The following SEPTIN14 variants were observed in gnomAD, a reference collection of about 807,000 sequenced individuals.
SEPTIN14 encodes septin 14.
SEPTIN14 carries 40 observed loss-of-function variants against 53.6 expected under a neutral mutation model. That is an observed-to-expected ratio of 0.75 (90% CI 0.58 to 0.97). The LOEUF (loss-of-function observed/expected upper bound fraction) is 0.97, where lower values mean the gene tolerates loss of function less well. SEPTIN14 is among the 50% of genes least tolerant of loss of function. The probability of loss-of-function intolerance (pLI) is 0.00; values close to 1 mark genes in which losing one functional copy is unlikely to be tolerated. For synonymous variants in SEPTIN14, 138 were observed against 166.8 expected, an observed-to-expected ratio of 0.83 and a Z score of 1.33; for missense variants, 471 against 508.2, an observed-to-expected ratio of 0.93 and a Z score of 0.70.
At chr7:55,806,805 C>CA (rs1788617096) in intron 8 of SEPTIN14, among the ~76,000 whole-genome samples, 1 of 152,062 alleles carries the variant, frequency 6.6e-6, no homozygotes, top group South Asian at 2.1e-4. Flanking sequence ...CATATAAATA[C>CA]AAAAAATGGA....
chr7:55,810,124 G>A (rs1788675787), intron 7 of SEPTIN14, among the ~76,000 whole-genome samples: 1 of 151,812 alleles, frequency 6.6e-6, no homozygotes, highest in Non-Finnish European at 1.5e-5. Context: ...GAGCCACTGC[G>A]CCCGGCCTGT....
chr7:55,798,221 C>T (rs1370786749), intron 9 of SEPTIN14: 3 of 319,514 alleles, frequency 9.4e-6, no homozygotes, highest in African/African-American at 2.2e-5. Flanking sequence ...TGGCCTCCAA[C>T]TAGACAAAAG....
chr7:55,827,388 A>G (rs991001973), intron 6 of SEPTIN14, among the ~76,000 whole-genome samples: 10 of 152,192 alleles, frequency 6.6e-5, no homozygotes, highest in African/African-American at 2.4e-4. Context: ...GGCATTTTCA[A>G]TGGCTCTTGG....
At chr7:55,848,700 C>A (rs924816711) in intron 2 of SEPTIN14, among the ~76,000 whole-genome samples, 1 of 150,866 alleles carries the variant, frequency 6.6e-6, no homozygotes, top group African/African-American at 2.4e-5. Flanking sequence ...CTCCGCTTCC[C>A]GGGTTCACGC....
intron 7 of SEPTIN14, chr7:55,811,371 T>G (rs201978286): frequency 1.2e-3 from 592 of 498,870 alleles, no homozygotes; most frequent in Non-Finnish European, 2.0e-3. Context: ...CCCTAAGGAG[T>G]TGGTCTTGGC....
At position 55,842,948 on chromosome 7, in the gene SEPTIN14, G is replaced by A. The variant is rs1399676144; in HGVS notation, c.552C>T (p.Asp184=). Residue 184 remains aspartate (D), a synonymous_variant, in exon 5 of 10, where the codon GAC becomes GAT. Coordinates refer to ENST00000388975, the MANE Select transcript of SEPTIN14 (RefSeq NM_207366.3). ...SLDLLTMKNL[D]SKVNIIPLIA... ...GTAGATTTACCAAACATACCTTACT[G>A]TCAAGGTTCTTCATTGTTAATAGAT... 1 of 1,504,512 alleles carries A rather than the reference G, an allele frequency of 6.6e-7. No homozygotes were observed. Among genetic ancestry groups the A allele is most frequent in the Non-Finnish European group, 8.9e-7 (1 of 1,128,312 alleles). 93.2% of individuals were successfully genotyped at this position (1,504,512 alleles called of 1,614,324 possible). A position where few individuals can be genotyped will look rare whatever the true frequency, so the allele number is the denominator to read the frequency against.
chr7:55,841,948 T>C (rs1009686730), intron 5 of SEPTIN14, among the ~76,000 whole-genome samples: 1 of 151,024 alleles, frequency 6.6e-6, no homozygotes, highest in South Asian at 2.1e-4. Flanking sequence ...GGCCAGAGAA[T>C]CACTTGAACC....
intron 6 of SEPTIN14, among the ~76,000 whole-genome samples, chr7:55,830,157 G>T (rs1208102414): frequency 6.9e-6 from 1 of 144,824 alleles, no homozygotes; most frequent in Non-Finnish European, 1.5e-5. Context: ...CAGCCTGGGC[G>T]ACAGAGCGAG....
At chr7:55,815,998 G>A (rs1028404288) in intron 7 of SEPTIN14, among the ~76,000 whole-genome samples, 2 of 152,128 alleles carry the variant, frequency 1.3e-5, no homozygotes, top group Admixed American at 1.3e-4. Context: ...ACATATACAT[G>A]ATGGAGTACT....
chr7:55,810,959 T>C, intron 7 of SEPTIN14: 1 of 418,002 alleles, frequency 2.4e-6, no homozygotes, highest in Non-Finnish European at 4.6e-6. Flanking sequence ...CTTTTCCTTG[T>C]ACAGACTGAG....
rs1788394690 is a variant in SEPTIN14 at position 55,794,601 on chromosome 7, A to G, written c.*1312T>C. ...AATTTTTCTTCCCCCAAATTATAAA[A>G]TCTGTAAGATGATTTAACAATATGT... is the stretch of plus-strand genomic sequence containing the variant. On this transcript the variant is annotated 3_prime_UTR_variant, in exon 10 of 10. Coordinates refer to ENST00000388975, the MANE Select transcript of SEPTIN14 (RefSeq NM_207366.3). 2.0e-5 allele frequency: 3 copies of G among 152,180 alleles called. No homozygotes were observed. The highest frequency in any genetic ancestry group is 2.9e-5 in the Non-Finnish European group (2 of 68,028). 9.4% of individuals were successfully genotyped at this position (152,180 alleles called of 1,614,324 possible).
chr7:55,853,305 A>G (rs1198188958), intron 2 of SEPTIN14, among the ~76,000 whole-genome samples: 1 of 152,250 alleles, frequency 6.6e-6, no homozygotes, highest in Non-Finnish European at 1.5e-5. Context: ...TGAATGGACC[A>G]AGAAAATGTG....
At chr7:55,823,636 G>A (rs1011522156) in intron 6 of SEPTIN14, among the ~76,000 whole-genome samples, 1 of 152,176 alleles carries the variant, frequency 6.6e-6, no homozygotes, top group Non-Finnish European at 1.5e-5. Context: ...GCCCAGGTGG[G>A]GGTGTCACTG....
chr7:55,814,178 G>T lies in SEPTIN14; in HGVS notation c.817+4949C>A, dbSNP rs140335580. Reference sequence around the variant, plus strand: ...GCGTCACAGTGTTACTGGGCTTGGGGTACCACCTAATACATTCCCTTTGAA... The same window carrying T: ...GCGTCACAGTGTTACTGGGCTTGGGTTACCACCTAATACATTCCCTTTGAA... On this transcript the variant is annotated intron_variant, in intron 7 of 9. Transcript: ENST00000388975. 2.8e-3 allele frequency among the ~76,000 whole-genome samples: 422 copies of T among 152,272 alleles called. 5 individuals are homozygous for T. The highest frequency in any genetic ancestry group is 0.01 in the Middle Eastern group (3 of 292).
chr7:55,831,243 T>C (rs1010712279), intron 6 of SEPTIN14, among the ~76,000 whole-genome samples: 4 of 151,986 alleles, frequency 2.6e-5, no homozygotes, highest in African/African-American at 9.7e-5. Context: ...AAAGAGTCCA[T>C]TGCTAGGAAG....
intron 8 of SEPTIN14, among the ~76,000 whole-genome samples, chr7:55,806,079 C>T (rs1788604952): frequency 6.6e-6 from 1 of 152,120 alleles, no homozygotes; most frequent in Non-Finnish European, 1.5e-5. Context: ...TCACTGCAAT[C>T]TCTGCTGCCC....
intron 9 of SEPTIN14, 47 bp downstream of exon 9, chr7:55,805,211 G>A: frequency 1.3e-6 from 2 of 1,522,196 alleles, no homozygotes; most frequent in Non-Finnish European, 1.8e-6. Context: ...CAAATTAATA[G>A]GGCACCTAAA....
rs1788413596 is a variant in SEPTIN14, at chr7:55,795,426, A to G, written c.*487T>C. 1 of 158,082 alleles carries G rather than the reference A, an allele frequency of 6.3e-6. No individual in the cohort carries two copies. Among genetic ancestry groups the G allele is most frequent in the African/African-American group, 2.4e-5 (1 of 41,328 alleles). The allele number at this position is 158,082 out of a possible 1,614,324, so 9.8% of individuals were successfully genotyped here. On this transcript the variant is annotated 3_prime_UTR_variant, in exon 10 of 10. Transcript: ENST00000388975. ...TAAGTGCCAAGATACAGAATCTGAA[A>G]AGAGGGACACAGGATCTGCCTTCTG... is the stretch of plus-strand genomic sequence containing the variant.
intron 6 of SEPTIN14, among the ~76,000 whole-genome samples, chr7:55,824,824 C>T (rs1304992647): frequency 1.3e-5 from 2 of 151,208 alleles, no homozygotes; most frequent in Non-Finnish European, 2.9e-5. Context: ...TTTTTAATTT[C>T]CAAAATCCCA....
Sources: gnomAD v4.1 joint callset for allele counts (sites outside exome capture counted in the v4.1 genomes callset) on GRCh38, gnomAD v4.1.1 for gene constraint, MANE v1.5 for transcripts, NCBI Gene and HGNC (gene_info 2026-07-23, HGNC 2026-07-21) for gene names.